The following ZNF385B variants were observed in gnomAD, a reference collection of about 807,000 sequenced individuals.
The protein encoded by ZNF385B is zinc finger protein 533.
A neutral mutation model predicts 39.2 loss-of-function variants in ZNF385B; 23 were observed. The ratio of observed to expected loss-of-function variants is 0.59; its 90% CI spans 0.42 to 0.83. The LOEUF (loss-of-function observed/expected upper bound fraction) is 0.83. Among genes scored for constraint, ZNF385B ranks in the 40% least tolerant of loss-of-function variants. ZNF385B has a pLI of 0.00. For synonymous variants in ZNF385B, 205 were observed against 222.6 expected (o/e 0.92, Z 0.70); for missense variants, 552 against 598.9 (o/e 0.92, Z 0.82).
intron 6 of ZNF385B, among the ~76,000 whole-genome samples, chr2:179,448,646 T>A (rs971047383): frequency 2.6e-5 from 4 of 152,246 alleles, no homozygotes; most frequent in Admixed American, 6.5e-5. Flanking sequence ...AGGCTCAAAA[T>A]GATTATTCCT....
At chr2:179,520,219 T>A (rs1319607358) in intron 4 of ZNF385B, among the ~76,000 whole-genome samples, 1 of 152,016 alleles carries the variant, frequency 6.6e-6, no homozygotes, top group African/African-American at 2.4e-5. Flanking sequence ...ATAGCCTAAC[T>A]ATAATGTGAT....
At chr2:179,847,030 T>C (rs1321374852) in intron 1 of ZNF385B, among the ~76,000 whole-genome samples, 4 of 152,228 alleles carry the variant, frequency 2.6e-5, no homozygotes, top group Non-Finnish European at 5.9e-5. Flanking sequence ...GTGAAAGCAT[T>C]CTTAAAAAGT....
intron 1 of ZNF385B, among the ~76,000 whole-genome samples, chr2:179,826,364 T>C (rs17831917): frequency 0.058 from 8,875 of 152,232 alleles, 301 homozygotes; most frequent in Non-Finnish European, 0.068. Context: ...CTCACGGGTT[T>C]TCTTCAGGGA....
chr2:179,531,721 T>G (rs893768415), intron 4 of ZNF385B, among the ~76,000 whole-genome samples: 3 of 152,204 alleles, frequency 2.0e-5, no homozygotes, highest in Non-Finnish European at 4.4e-5. Flanking sequence ...CCTTCCCTGA[T>G]TCCCACCCAA....
At chr2:179,530,054 G>A (rs1281938696) in intron 4 of ZNF385B, among the ~76,000 whole-genome samples, 2 of 152,208 alleles carry the variant, frequency 1.3e-5, no homozygotes, top group African/African-American at 2.4e-5. Flanking sequence ...TGTAGGTCAT[G>A]AGAAATGGTT....
At chr2:179,674,379 A>T (rs1451556801) in intron 3 of ZNF385B, among the ~76,000 whole-genome samples, 1 of 152,192 alleles carries the variant, frequency 6.6e-6, no homozygotes, top group Non-Finnish European at 1.5e-5. Context: ...TGACCTTTTA[A>T]AATAATATTT....
chr2:179,658,521 A>G (rs748168165), intron 3 of ZNF385B, among the ~76,000 whole-genome samples: 6 of 152,220 alleles, frequency 3.9e-5, no homozygotes, highest in Non-Finnish European at 8.8e-5. Flanking sequence ...AGGAGCCACG[A>G]TGAAAACCTG....
chr2:179,838,990 AT>A (rs1708405995), intron 1 of ZNF385B, among the ~76,000 whole-genome samples: 1 of 151,898 alleles, frequency 6.6e-6, no homozygotes, highest in Non-Finnish European at 1.5e-5. Context: ...GGCACTATAT[AT>A]TCTGTCTTAA....
chr2:179,842,720 C>T (rs1708599885), intron 1 of ZNF385B, among the ~76,000 whole-genome samples: 1 of 152,124 alleles, frequency 6.6e-6, no homozygotes, highest in Non-Finnish European at 1.5e-5. Context: ...TTCAGCAAAG[C>T]CCCTGTGATC....
chr2:179,464,194 G>T (rs1351455073), intron 6 of ZNF385B, among the ~76,000 whole-genome samples: 1 of 152,106 alleles, frequency 6.6e-6, no homozygotes, highest in East Asian at 1.9e-4. Context: ...TTTTTGATGG[G>T]ATTGTTTCTT....
chr2:179,704,833 T>A (rs563595320), intron 3 of ZNF385B, among the ~76,000 whole-genome samples: 1 of 152,164 alleles, frequency 6.6e-6, no homozygotes, highest in South Asian at 2.1e-4. Flanking sequence ...GTACAATCCC[T>A]CCAGGCATTT....
intron 3 of ZNF385B, among the ~76,000 whole-genome samples, chr2:179,645,318 T>A (rs897557199): frequency 6.6e-6 from 1 of 152,220 alleles, no homozygotes; most frequent in South Asian, 2.1e-4. Context: ...CAGGGCTGGC[T>A]CTTAACCCAT....
intron 5 of ZNF385B, among the ~76,000 whole-genome samples, chr2:179,516,081 T>A (rs1299184146): frequency 1.3e-5 from 2 of 150,296 alleles, no homozygotes; most frequent in Non-Finnish European, 3.0e-5. Flanking sequence ...TTCATCCACA[T>A]TGTAGCATGT....
chr2:179,464,183 C>A (rs1020150866), intron 6 of ZNF385B, among the ~76,000 whole-genome samples: 4 of 152,124 alleles, frequency 2.6e-5, no homozygotes, highest in Admixed American at 6.5e-5. Flanking sequence ...CCTTTGCTGA[C>A]TTTTTGATGG....
At chr2:179,544,799 CAAAT>C in intron 4 of ZNF385B, 24 bp downstream of exon 4, 1 of 1,613,138 alleles carries the variant, frequency 6.2e-7, no homozygotes, top group Non-Finnish European at 8.5e-7. Context: ...GAGGAGGACA[CAAAT>C]AAAATAGAAA....
intron 3 of ZNF385B, among the ~76,000 whole-genome samples, chr2:179,752,118 T>C (rs1167785734): frequency 1.3e-5 from 2 of 152,068 alleles, no homozygotes; most frequent in Non-Finnish European, 2.9e-5. Context: ...CGGTGTGTGA[T>C]GTTCCCCTTC....
chr2:179,625,831 C>T (rs770529965), intron 3 of ZNF385B, among the ~76,000 whole-genome samples: 1 of 152,028 alleles, frequency 6.6e-6, no homozygotes, highest in African/African-American at 2.4e-5. Flanking sequence ...ATCCTTCCTG[C>T]CTAAAAGGAT....
intron 3 of ZNF385B, among the ~76,000 whole-genome samples, chr2:179,644,173 A>T (rs2106228354): frequency 6.6e-6 from 1 of 152,302 alleles, no homozygotes; most frequent in East Asian, 1.9e-4. Flanking sequence ...GAAAGCAGAC[A>T]TAATCCATTC....
At chr2:179,780,913 G>T (rs1181862392) in intron 1 of ZNF385B, among the ~76,000 whole-genome samples, 2 of 152,138 alleles carry the variant, frequency 1.3e-5, no homozygotes, top group African/African-American at 4.8e-5. Flanking sequence ...TGACTAATCA[G>T]ATAAATAACA....
Sources: allele counts gnomAD v4.1 joint callset (sites outside exome capture counted in the v4.1 genomes callset), GRCh38; gene constraint gnomAD v4.1.1; transcripts MANE v1.5; gene names NCBI Gene and HGNC (gene_info 2026-07-23, HGNC 2026-07-21).